FUT8: variants seen among roughly 807,000 people sequenced by gnomAD.
FUT8 encodes the protein alpha-(1,6)-fucosyltransferase.
FUT8 carries 29 observed loss-of-function variants against 71.3 expected under a neutral mutation model. The observed-to-expected ratio is 0.41, with a 90% CI of 0.30 to 0.55. The LOEUF is 0.55. Among genes scored for constraint, FUT8 ranks in the 20% least tolerant of loss-of-function variants. FUT8 has a pLI of 0.34. For synonymous variants in FUT8, 254 were observed against 239.3 expected, an observed-to-expected ratio of 1.06 and a Z score of -0.57; for missense variants, 544 against 702.1, an observed-to-expected ratio of 0.77 and a Z score of 2.55.
At chr14:65,590,506 C>T (rs935870220) in intron 3 of FUT8, among the ~76,000 whole-genome samples, 3 of 152,010 alleles carry the variant, frequency 2.0e-5, no homozygotes, top group Non-Finnish European at 4.4e-5. Context: ...TCCTCTTGAC[C>T]AAACTGGGGG....
chr14:65,677,353 G>A (rs542348204), intron 7 of FUT8, among the ~76,000 whole-genome samples: 2 of 151,912 alleles, frequency 1.3e-5, no homozygotes, highest in South Asian at 2.1e-4. Flanking sequence ...AATATTCTTA[G>A]CAGTTATTGA....
intron 2 of FUT8, among the ~76,000 whole-genome samples, chr14:65,517,743 C>A (rs1426741689): frequency 1.3e-5 from 2 of 152,154 alleles, no homozygotes; most frequent in African/African-American, 2.4e-5. Flanking sequence ...TCCCCTACTC[C>A]CACCTTGCAC....
At chr14:65,702,186 A>C (rs1894331794) in intron 7 of FUT8, among the ~76,000 whole-genome samples, 2 of 152,290 alleles carry the variant, frequency 1.3e-5, no homozygotes, top group South Asian at 4.1e-4. Context: ...TCTGTACTAG[A>C]AATGCAAGAT....
At chr14:65,449,346 C>T (rs1454996928) in intron 1 of FUT8, among the ~76,000 whole-genome samples, 2 of 152,148 alleles carry the variant, frequency 1.3e-5, no homozygotes, top group Non-Finnish European at 2.9e-5. Context: ...ACAAAACAGA[C>T]TTTTTCGTTT....
At chr14:65,419,761 A>C (rs1350063850) in intron 1 of FUT8, among the ~76,000 whole-genome samples, 1 of 152,164 alleles carries the variant, frequency 6.6e-6, no homozygotes, top group Non-Finnish European at 1.5e-5. Context: ...GGGGTTAGGC[A>C]GGTTGTAACT....
intron 3 of FUT8, among the ~76,000 whole-genome samples, chr14:65,612,986 A>G (rs1889080592): frequency 6.6e-6 from 1 of 152,104 alleles, no homozygotes; most frequent in Admixed American, 6.5e-5. Context: ...TGGAGTTTGG[A>G]AAGAATAGTT....
rs911760081 is a variant in FUT8 at position 65,743,896 on chromosome 14, A to G, written c.*1486A>G. ...AAATGTCATCTCTGTAGGAGCGACT[A>G]TCAGGCCTAGTGTGAAATATTAGGG... On this transcript the variant is annotated 3_prime_UTR_variant, in exon 11 of 11. Transcript: ENST00000673929. The G allele has an allele frequency of 6.6e-6, 1 of 151,858 alleles. No individual in the cohort carries two copies. The highest frequency in any genetic ancestry group is 1.9e-4 in the East Asian group (1 of 5,154). 9.4% of individuals were successfully genotyped at this position (151,858 alleles called of 1,614,324 possible). A position where few individuals can be genotyped will look rare whatever the true frequency, so the allele number is the denominator to read the frequency against.
chr14:65,408,585 C>T (rs182850313), upstream of FUT8, among the ~76,000 whole-genome samples: 31 of 152,166 alleles, frequency 2.0e-4, no homozygotes, highest in East Asian at 5.4e-3. Context: ...AATAAACAGC[C>T]CTATTAATAA....
intron 7 of FUT8, among the ~76,000 whole-genome samples, chr14:65,682,355 T>A (rs1285180082): frequency 3.3e-5 from 5 of 152,162 alleles, no homozygotes; most frequent in South Asian, 2.1e-4. Context: ...AAATTTTTTT[T>A]AAATTAGCTG....
chr14:65,723,911 T>G (rs1057132994), intron 8 of FUT8, among the ~76,000 whole-genome samples: 24 of 152,234 alleles, frequency 1.6e-4, no homozygotes, highest in African/African-American at 5.5e-4. Context: ...AAATCATTCT[T>G]CAAAGGCTTT....
the FUT8 span, among the ~76,000 whole-genome samples, chr14:65,367,564 G>T: frequency 6.6e-6 from 1 of 152,264 alleles, no homozygotes; most frequent in African/African-American, 2.4e-5. Context: ...GAATAATAAA[G>T]TAACCCAAAT....
intron 7 of FUT8, among the ~76,000 whole-genome samples, chr14:65,685,426 A>G (rs1317612223): frequency 1.3e-5 from 2 of 152,186 alleles, no homozygotes; most frequent in African/African-American, 4.8e-5. Context: ...TTCACTTTGG[A>G]CAGTTGTATG....
chr14:65,504,148 A>G lies in FUT8; in HGVS notation c.-228+48430A>G, dbSNP rs376642299. ...CTTTAAAACTGCGAGGCTTTTTTGT[A>G]TTAGTTGAACTTTCATGTTCTTTTT... On this transcript the variant is annotated intron_variant, in intron 2 of 10. Transcript: ENST00000673929. 9.2e-5 allele frequency among the ~76,000 whole-genome samples: 14 copies of G among 152,124 alleles called. 1 individual carries two copies. Among genetic ancestry groups the G allele is most frequent in the South Asian group, 8.3e-4 (4 of 4,826 alleles).
chr14:65,605,818 T>A (rs1888553514), intron 3 of FUT8, among the ~76,000 whole-genome samples: 1 of 151,942 alleles, frequency 6.6e-6, no homozygotes, highest in African/African-American at 2.4e-5. Flanking sequence ...AGAGTATCTC[T>A]GTTTCAATTT....
intron 3 of FUT8, 117 bp downstream of exon 3, chr14:65,561,883 A>C: frequency 1.2e-6 from 1 of 804,668 alleles, no homozygotes. Flanking sequence ...TGTCTTTGCC[A>C]CAACTTAGCA....
chr14:65,721,790 A>G lies in FUT8; in HGVS notation c.851A>G (p.Lys284Arg). The G allele has an allele frequency of 1.2e-6, 2 of 1,614,212 alleles. No homozygotes were observed. Among genetic ancestry groups the G allele is most frequent in the Non-Finnish European group, 1.7e-6 (2 of 1,180,020 alleles). Residue 284 changes from lysine to arginine, a missense_variant, in exon 8 of 11, where the codon AAA (lysine) becomes AGA (arginine). Physicochemically the swap from Lys to Arg is conservative, Grantham distance 26 (BLOSUM62 2). Transcript: ENST00000673929. ...ATATTGTCAGGTGAAGTGAAGGACA[A>G]AAATGTTCAAGTGGTCGAGCTTCCC... is the stretch of plus-strand genomic sequence containing the variant. ...TGHWSGEVKD[K>R]NVQVVELPIV...
intron 1 of FUT8, among the ~76,000 whole-genome samples, chr14:65,452,172 T>C (rs924054666): frequency 4.6e-5 from 7 of 152,218 alleles, no homozygotes; most frequent in Admixed American, 4.6e-4. Flanking sequence ...TATTGACATA[T>C]AAGTGGTATT....
At chr14:65,645,337 T>C (rs1451815495) in intron 6 of FUT8, among the ~76,000 whole-genome samples, 1 of 152,236 alleles carries the variant, frequency 6.6e-6, no homozygotes, top group Non-Finnish European at 1.5e-5. Flanking sequence ...CTCTCTATAA[T>C]ACTGTTTTCC....
At chr14:65,500,436 T>G (rs1429824805) in intron 2 of FUT8, among the ~76,000 whole-genome samples, 3 of 152,118 alleles carry the variant, frequency 2.0e-5, no homozygotes, top group Non-Finnish European at 4.4e-5. Flanking sequence ...AGCCACCACT[T>G]TAGTTATCTG....
Sources: gnomAD v4.1 joint callset for allele counts (sites outside exome capture counted in the v4.1 genomes callset) on GRCh38, gnomAD v4.1.1 for gene constraint, MANE v1.5 for transcripts, NCBI Gene and HGNC (gene_info 2026-07-23, HGNC 2026-07-21) for gene names.